Variants in AGPAT5 observed in about 807,000 individuals in gnomAD.
AGPAT5 encodes 1-acyl-sn-glycerol-3-phosphate acyltransferase epsilon.
Under a neutral mutation model 45.6 loss-of-function variants are expected in AGPAT5, and 46 were observed. The observed-to-expected ratio is 1.01, with a 90% CI of 0.80 to 1.29. AGPAT5 has a LOEUF of 1.29. AGPAT5 is among the 50% of genes most tolerant of loss of function. The probability of loss-of-function intolerance (pLI) is 0.00; values close to 1 mark genes in which losing one functional copy is unlikely to be tolerated. For synonymous variants in AGPAT5, 272 were observed against 167.0 expected (o/e 1.63, Z -4.85); for missense variants, 673 against 450.7 (o/e 1.49, Z -4.47).
chr8:6,726,629 G>GA (rs938396066), intron 2 of AGPAT5, among the ~76,000 whole-genome samples: 1 of 152,094 alleles, frequency 6.6e-6, no homozygotes. Context: ...AAACATCCAT[G>GA]AAAAAACAGA....
chr8:6,724,683 T>C (rs1210800419), intron 1 of AGPAT5, among the ~76,000 whole-genome samples, 187 bp from the exon 2 acceptor site: 1 of 152,072 alleles, frequency 6.6e-6, no homozygotes, highest in Non-Finnish European at 1.5e-5. Context: ...TAACCTGTAC[T>C]ATACATAACT....
At chr8:6,715,476 G>A (rs760828179) in intron 1 of AGPAT5, among the ~76,000 whole-genome samples, 2 of 152,226 alleles carry the variant, frequency 1.3e-5, no homozygotes, top group Non-Finnish European at 2.9e-5. Context: ...CGCAGTTAGT[G>A]AGTGCTGCTG....
chr8:6,753,237 G>C (rs1391304642), intron 6 of AGPAT5, among the ~76,000 whole-genome samples: 1 of 152,200 alleles, frequency 6.6e-6, no homozygotes, highest in African/African-American at 2.4e-5. Context: ...GCCACGTCCT[G>C]AGCACTGTAC....
chr8:6,748,064 A>C (rs1437352523), intron 6 of AGPAT5, among the ~76,000 whole-genome samples: 2 of 152,180 alleles, frequency 1.3e-5, no homozygotes, highest in African/African-American at 4.8e-5. Flanking sequence ...TCATTAATCC[A>C]GCCTCTTTCT....
intron 5 of AGPAT5, among the ~76,000 whole-genome samples, chr8:6,746,684 C>T (rs887716602): frequency 1.3e-5 from 2 of 152,142 alleles, no homozygotes; most frequent in African/African-American, 4.8e-5. Context: ...TTTCCCACAC[C>T]ACCCTGCATT....
intron 2 of AGPAT5, among the ~76,000 whole-genome samples, chr8:6,727,606 C>G (rs373761965): frequency 1.6e-4 from 24 of 152,318 alleles, no homozygotes; most frequent in African/African-American, 4.6e-4. Context: ...GTCTTGAACT[C>G]CTGACCTCAG....
rs545221590 is a variant in AGPAT5, at chr8:6,728,394, G to A, written c.290-2317G>A. ...ATAAACAAGAAATAAAGAGAATTCA[G>A]TAGCAAATATTGGTGACACAAAGCT... On this transcript the variant is annotated intron_variant, in intron 2 of 7. Coordinates refer to ENST00000285518, the MANE Select transcript of AGPAT5 (RefSeq NM_018361.5). 2.6e-5 allele frequency among the ~76,000 whole-genome samples: 4 copies of A among 152,356 alleles called. No individual in the cohort carries two copies. In the East Asian group the frequency reaches 5.8e-4, roughly 22 times the overall value.
Position 6,745,410 on chromosome 8 carries a change from C to G in AGPAT5, c.587-2260C>G, listed in dbSNP as rs552699219. On this transcript the variant is annotated intron_variant, in intron 5 of 7. Transcript: ENST00000285518. ...GCCCCTTGCTTTCTTGTGTTTGACT[C>G]CATCCACTCTCCAGAAATGAATCCC... 2.6e-5 allele frequency among the ~76,000 whole-genome samples: 4 copies of G among 152,294 alleles called. No individual in the cohort carries two copies. The South Asian group carries it at 8.3e-4, about 32-fold the overall frequency.
At chr8:6,747,545 A>C in intron 5 of AGPAT5, 125 bp from the exon 6 acceptor site, 1 of 881,794 alleles carries the variant, frequency 1.1e-6, no homozygotes, top group Non-Finnish European at 1.7e-6. Context: ...TAAATATATG[A>C]GGTTGTGGAA....
At chr8:6,733,489 C>G (rs928381511) in intron 4 of AGPAT5, among the ~76,000 whole-genome samples, 5 of 152,180 alleles carry the variant, frequency 3.3e-5, no homozygotes, top group African/African-American at 1.2e-4. Flanking sequence ...TACATTAGAA[C>G]ATTGCATCTG....
intron 4 of AGPAT5, among the ~76,000 whole-genome samples, chr8:6,740,780 T>C (rs1252108395): frequency 2.0e-5 from 3 of 152,218 alleles, no homozygotes; most frequent in African/African-American, 7.2e-5. Context: ...CAGTGTTGTC[T>C]GAGTACTGTC....
At chr8:6,738,170 A>C (rs9644417) in intron 4 of AGPAT5, among the ~76,000 whole-genome samples, 63,577 of 152,082 alleles carry the variant, frequency 0.42, 13,816 homozygotes, top group Non-Finnish European at 0.47. Flanking sequence ...CTTTTGACCT[A>C]CCTTGGCTTT....
At chr8:6,754,555 G>A (rs913452599) in intron 6 of AGPAT5, among the ~76,000 whole-genome samples, 27 of 152,280 alleles carry the variant, frequency 1.8e-4, no homozygotes, top group African/African-American at 6.0e-4. Flanking sequence ...CTGTGTGCCA[G>A]GTCAGGAGGT....
chr8:6,721,877 A>G (rs934196755), intron 1 of AGPAT5, among the ~76,000 whole-genome samples: 1 of 151,998 alleles, frequency 6.6e-6, no homozygotes, highest in Non-Finnish European at 1.5e-5. Flanking sequence ...TATTTTAAAG[A>G]GACAGGGGTC....
rs192524738 is a variant in AGPAT5 at position 6,759,247 on chromosome 8, T to C, written c.*1859T>C. 6.6e-6 allele frequency: 1 copy of C among 152,326 alleles called. No individual in the cohort carries two copies. Among genetic ancestry groups the C allele is most frequent in the East Asian group, 1.9e-4 (1 of 5,190 alleles). The allele number at this position is 152,326 out of a possible 1,614,324, so 9.4% of individuals were successfully genotyped here. A position where few individuals can be genotyped will look rare whatever the true frequency, so the allele number is the denominator to read the frequency against. ...AATGGGTATGTTCTAAATTTGAACTTTGAGAGGCAATACTGTTGGAATTAT... is the reference window on the plus strand; with the variant it reads ...AATGGGTATGTTCTAAATTTGAACTCTGAGAGGCAATACTGTTGGAATTAT... On this transcript the variant is annotated 3_prime_UTR_variant, in exon 8 of 8. Coordinates refer to ENST00000285518, the MANE Select transcript of AGPAT5 (RefSeq NM_018361.5).
intron 7 of AGPAT5, 42 bp from the exon 8 acceptor site, chr8:6,757,121 C>A: frequency 6.7e-7 from 1 of 1,482,754 alleles, no homozygotes; most frequent in Admixed American, 1.8e-5. Context: ...AATTGAAATA[C>A]TGAAGTGACT....
chr8:6,743,245 C>G (rs959988187), intron 5 of AGPAT5, among the ~76,000 whole-genome samples: 7 of 152,262 alleles, frequency 4.6e-5, no homozygotes, highest in African/African-American at 1.4e-4. Flanking sequence ...CTTTTTGTTT[C>G]TCATGGTGGC....
chr8:6,756,330 C>A (rs915046885), intron 7 of AGPAT5, among the ~76,000 whole-genome samples: 1 of 151,860 alleles, frequency 6.6e-6, no homozygotes, highest in Admixed American at 6.6e-5. Flanking sequence ...ACCAAAAATA[C>A]TCAGAAAAAA....
intron 2 of AGPAT5, among the ~76,000 whole-genome samples, chr8:6,726,487 T>C (rs190544874): frequency 3.9e-5 from 6 of 152,338 alleles, no homozygotes; most frequent in Non-Finnish European, 7.4e-5. Context: ...AGTAGTGACT[T>C]GTGGAGTGGG....
Sources: allele counts gnomAD v4.1 joint callset (sites outside exome capture counted in the v4.1 genomes callset), GRCh38; gene constraint gnomAD v4.1.1; transcripts MANE v1.5; gene names NCBI Gene and HGNC (gene_info 2026-07-23, HGNC 2026-07-21).